SPIN2A: variants seen among roughly 807,000 people sequenced by gnomAD.
The protein encoded by SPIN2A is spindlin family member 2A, also known as spindlin-2A.
SPIN2A carries 4 observed loss-of-function variants against 9.2 expected under a neutral mutation model. The ratio of observed to expected loss-of-function variants is 0.44; its 90% CI spans 0.21 to 1.00. The LOEUF (loss-of-function observed/expected upper bound fraction) is 1.00. SPIN2A is among the 50% of genes least tolerant of loss of function. SPIN2A has a pLI of 0.26. For synonymous variants in SPIN2A, 25 were observed against 61.2 expected, an observed-to-expected ratio of 0.41 and a Z score of 2.76; for missense variants, 77 against 172.8, an observed-to-expected ratio of 0.45 and a Z score of 3.11.
chrX:57,146,379 G>T, the SPIN2A span, among the ~76,000 whole-genome samples: 1 of 111,585 alleles, frequency 9.0e-6, no homozygotes, highest in Non-Finnish European at 1.9e-5. Flanking sequence ...GTCACTGTTG[G>T]TGTATAGCAG....
chrX:57,135,593 C>A, downstream of SPIN2A: 1 of 644,812 alleles, frequency 1.6e-6, no homozygotes, highest in Non-Finnish European at 2.3e-6. Context: ...CTTCCATGCC[C>A]CATCTACCAA....
the SPIN2A span, among the ~76,000 whole-genome samples, chrX:57,143,503 A>T: frequency 9.1e-6 from 1 of 110,170 alleles, no homozygotes; most frequent in Non-Finnish European, 1.9e-5. Flanking sequence ...TTGAGATAGG[A>T]TCTCACTCTA....
At chrX:57,142,149 G>A (rs771679137), upstream of SPIN2A, among the ~76,000 whole-genome samples, 1 of 111,381 alleles carries the variant, frequency 9.0e-6, no homozygotes, top group South Asian at 3.7e-4. Context: ...ACTAACTCAA[G>A]GTTTGATTTG....
chrX:57,137,316 T>C lies in SPIN2A; in HGVS notation c.-62A>G, dbSNP rs1423225180. ...GAAGGAGGGTCAACAGGCGACTCGC[T>C]GAGTGACTGCTTGCAAGAGCGGGGA... is the stretch of plus-strand genomic sequence containing the variant. On this transcript the variant is annotated 5_prime_UTR_variant, in exon 1 of 2. Coordinates refer to ENST00000374906, the MANE Select transcript of SPIN2A (RefSeq NM_019003.5). The C allele has an allele frequency of 1.2e-5, 9 of 757,993 alleles. No homozygotes were observed. The highest frequency in any genetic ancestry group is 1.4e-5 in the Non-Finnish European group (9 of 641,634). The allele number at this position is 757,993 out of a possible 1,213,427, so 62.5% of individuals were successfully genotyped here. A position where few individuals can be genotyped will look rare whatever the true frequency, so the allele number is the denominator to read the frequency against.
At chrX:57,138,666 T>C (rs1927911662), upstream of SPIN2A, among the ~76,000 whole-genome samples, 1 of 111,474 alleles carries the variant, frequency 9.0e-6, no homozygotes, top group Admixed American at 9.6e-5. Context: ...TATGCTAATT[T>C]ATATCCCCAC....
upstream of SPIN2A, among the ~76,000 whole-genome samples, chrX:57,141,093 T>A (rs989000980): frequency 8.9e-6 from 1 of 112,399 alleles, no homozygotes; most frequent in African/African-American, 3.2e-5. Flanking sequence ...TGACCTTTAT[T>A]CTTTTGAGAT....
upstream of SPIN2A, among the ~76,000 whole-genome samples, chrX:57,141,532 T>C (rs1386409347): frequency 3.6e-5 from 4 of 111,653 alleles, no homozygotes; most frequent in Non-Finnish European, 7.5e-5. Context: ...AAATTTTTGG[T>C]AGAATTCAGC....
At chrX:57,137,456 G>T, upstream of SPIN2A, 2 of 557,391 alleles carry the variant, frequency 3.6e-6, no homozygotes, top group East Asian at 1.8e-4. Flanking sequence ...TGTTGGTGGC[G>T]GCCACCCCTC....
At chrX:57,145,323 A>G in the SPIN2A span, among the ~76,000 whole-genome samples, 1 of 110,643 alleles carries the variant, frequency 9.0e-6, no homozygotes, top group African/African-American at 3.3e-5. Flanking sequence ...GATGTTGATC[A>G]TTTTTTATGT....
chrX:57,143,431 G>A, the SPIN2A span, among the ~76,000 whole-genome samples: 1 of 109,999 alleles, frequency 9.1e-6, no homozygotes, highest in Non-Finnish European at 1.9e-5. Context: ...ACTTTTTGTT[G>A]TTTCTATATA....
downstream of SPIN2A, chrX:57,134,458 C>T (rs964153737): frequency 9.0e-6 from 1 of 110,866 alleles, no homozygotes; most frequent in Admixed American, 9.6e-5. Context: ...TTTAGTGGAT[C>T]GTTGGTCGGA....
upstream of SPIN2A, chrX:57,137,427 C>T (rs903207067): frequency 3.0e-5 from 21 of 692,789 alleles, no homozygotes; most frequent in Non-Finnish European, 3.6e-5. Context: ...GCGCTTCGCT[C>T]GCTGGCCGTC....
chrX:57,142,539 G>T, the SPIN2A span, among the ~76,000 whole-genome samples: 1 of 111,991 alleles, frequency 8.9e-6, no homozygotes, highest in African/African-American at 3.2e-5. Context: ...GTCTGTCTTG[G>T]AGAATGTTCC....
At chrX:57,143,118 C>T in the SPIN2A span, among the ~76,000 whole-genome samples, 49,215 of 110,138 alleles carry the variant, frequency 0.45, 10,915 homozygotes, top group African/African-American at 0.86. Flanking sequence ...AATATTATTA[C>T]GGATAGGTAA....
chrX:57,140,815 C>G (rs1384633267), upstream of SPIN2A, among the ~76,000 whole-genome samples: 1 of 110,885 alleles, frequency 9.0e-6, no homozygotes, highest in Non-Finnish European at 1.9e-5. Flanking sequence ...ATAATAGACA[C>G]TAGGATTTCC....
chrX:57,144,920 G>GCACA, the SPIN2A span, among the ~76,000 whole-genome samples: 1 of 78,344 alleles, frequency 1.3e-5, no homozygotes, highest in Admixed American at 1.4e-4. Flanking sequence ...GTATGTGTGT[G>GCACA]CATACACACA....
chrX:57,135,614 A>T, downstream of SPIN2A: 2 of 876,080 alleles, frequency 2.3e-6, no homozygotes, highest in South Asian at 2.7e-5. Flanking sequence ...ACACACCCGA[A>T]CTTTTCAACA....
the SPIN2A span, among the ~76,000 whole-genome samples, chrX:57,144,923 T>TGC: frequency 9.5e-6 from 1 of 105,417 alleles, no homozygotes; most frequent in Non-Finnish European, 2.0e-5. Flanking sequence ...TGTGTGTGCA[T>TGC]ACACACACAC....
chrX:57,144,631 T>A, the SPIN2A span, among the ~76,000 whole-genome samples: 1 of 110,330 alleles, frequency 9.1e-6, no homozygotes, highest in African/African-American at 3.3e-5. Context: ...CCGAGCAGTT[T>A]ACACTGAACC....
Sources: allele counts gnomAD v4.1 joint callset (sites outside exome capture counted in the v4.1 genomes callset), GRCh38; gene constraint gnomAD v4.1.1; transcripts MANE v1.5; gene names NCBI Gene and HGNC (gene_info 2026-07-23, HGNC 2026-07-21).